WDR19: variants seen among roughly 807,000 people sequenced by gnomAD.
The protein encoded by WDR19 is WD repeat domain 19.
A neutral mutation model predicts 180.0 loss-of-function variants in WDR19; 121 were observed. That is an observed-to-expected ratio of 0.67 (90% CI 0.58 to 0.78). WDR19 has a LOEUF of 0.78. Among genes scored for constraint, WDR19 ranks in the 30% least tolerant of loss-of-function variants. The pLI is 0.00. For missense variants in WDR19, 1,450 were observed against 1,640.7 expected (o/e 0.88, Z 2.01); for synonymous variants, 497 against 540.7 (o/e 0.92, Z 1.12).
chr4:39,249,866 C>A (rs9683840), intron 24 of WDR19, among the ~76,000 whole-genome samples: 51,371 of 151,528 alleles, frequency 0.34, 8,826 homozygotes, highest in African/African-American at 0.39. Context: ...GCTTACCAAC[C>A]AAAAAAAGTC....
intron 20 of WDR19, 103 bp from the exon 21 acceptor site, chr4:39,240,172 GTC>G (rs1731769729): frequency 2.4e-6 from 1 of 424,110 alleles, no homozygotes. Context: ...GTGAGACCCT[GTC>G]TCTAAAAAAA....
chr4:39,204,775 C>T (rs947836893), intron 7 of WDR19, among the ~76,000 whole-genome samples: 1 of 152,138 alleles, frequency 6.6e-6, no homozygotes, highest in Non-Finnish European at 1.5e-5. Flanking sequence ...TCCCAAATGG[C>T]TCAAGAGCAG....
At chr4:39,254,144 GT>G in intron 26 of WDR19, 114 bp downstream of exon 26, 1 of 1,075,160 alleles carries the variant, frequency 9.3e-7, no homozygotes, top group Non-Finnish European at 1.3e-6. Flanking sequence ...TGGTGTAAAT[GT>G]TTACCATTTA....
In WDR19 at chr4:39,277,143, A is replaced by T; in HGVS notation, c.3840A>T (p.Thr1280=). 1 of 1,602,760 alleles carries T rather than the reference A, an allele frequency of 6.2e-7. No individual in the cohort carries two copies. Among genetic ancestry groups the T allele is most frequent in the Non-Finnish European group, 8.5e-7 (1 of 1,175,576 alleles). ...CKNSIPYCIA[T]GRHMLKDDWT... is the part of the protein sequence containing the mutation. ...ACAGTATCCCATATTGCATTGCAAC[A>T]GTGAGTTCCTTTATAGTAATTTCCC... Residue 1280 remains threonine (T), a splice_region_variant and synonymous_variant, in exon 34 of 37, where the codon ACA becomes ACT. Transcript: ENST00000399820.
chr4:39,251,433 T>C (rs1162936545), intron 24 of WDR19, among the ~76,000 whole-genome samples: 1 of 151,892 alleles, frequency 6.6e-6, no homozygotes, highest in Non-Finnish European at 1.5e-5. Context: ...GGCAATACCA[T>C]TCAGGACATA....
rs769652696 is a variant in WDR19, at chr4:39,278,692, T to TC, written c.*13+29_*13+30insC. The TC allele has an allele frequency of 4.8e-6, 7 of 1,452,142 alleles. No individual in the cohort carries two copies. In the South Asian group the frequency reaches 8.6e-5, roughly 18 times the overall value. 90.0% of individuals were successfully genotyped at this position (1,452,142 alleles called of 1,614,324 possible). ...AGTGGCAGAGCGCCCACGCACCTTC[T>TC]GGGCGCAAGGGCCCACAGCGTGCAC... On this transcript the variant is annotated intron_variant, in intron 36 of 36. Transcript: ENST00000399820.
intron 24 of WDR19, among the ~76,000 whole-genome samples, chr4:39,249,724 CAAAT>C (rs1732941499): frequency 6.6e-6 from 1 of 152,132 alleles, no homozygotes; most frequent in African/African-American, 2.4e-5. Context: ...CACCTTTACA[CAAAT>C]AAACTAGAAA....
chr4:39,264,987 G>A (rs768447518), intron 28 of WDR19, among the ~76,000 whole-genome samples: 43 of 150,274 alleles, frequency 2.9e-4, no homozygotes, highest in Middle Eastern at 3.4e-3. Context: ...ACGGGATGTC[G>A]GCTCACTGCA....
In WDR19 at chr4:39,216,206, A is replaced by G. The variant is rs2109327423; in HGVS notation, c.1245A>G (p.Glu415=). 3 of 1,561,132 alleles carry G rather than the reference A, an allele frequency of 1.9e-6. No homozygotes were observed. The highest frequency in any genetic ancestry group is 2.3e-5 in the East Asian group (1 of 42,698). The change falls in exon 12 of 37, where the codon GAA becomes GAG. Residue 415 remains glutamate (E), a synonymous_variant. Coordinates refer to ENST00000399820, the MANE Select transcript of WDR19 (RefSeq NM_025132.4). Reference sequence around the variant, plus strand: ...GAGCTTGGTTTTATGTCCTTGGAGAAAATGGCAAGTCTAAATCCAGTTGTT... The same window carrying G: ...GAGCTTGGTTTTATGTCCTTGGAGAGAATGGCAAGTCTAAATCCAGTTGTT... ...NNRAWFYVLG[E]NAVKKLKDME... is the part of the protein sequence containing the mutation.
At chr4:39,226,732 A>G (rs1730301645) in intron 15 of WDR19, among the ~76,000 whole-genome samples, 1 of 152,228 alleles carries the variant, frequency 6.6e-6, no homozygotes, top group South Asian at 2.1e-4. Context: ...AATTAGTACA[A>G]TATCTTGTAA....
At chr4:39,186,823 C>T (rs992912068) in intron 3 of WDR19, among the ~76,000 whole-genome samples, 7 of 152,116 alleles carry the variant, frequency 4.6e-5, no homozygotes, top group African/African-American at 7.2e-5. Context: ...AGAAGCCTTA[C>T]GGCAGGATTA....
chr4:39,281,068 A>G (rs921775949), intron 36 of WDR19, among the ~76,000 whole-genome samples: 1 of 152,008 alleles, frequency 6.6e-6, no homozygotes, highest in Non-Finnish European at 1.5e-5. Flanking sequence ...TGTCAGATAT[A>G]TTTTGCAAAT....
chr4:39,218,156 T>C (rs1729275947), intron 14 of WDR19, 51 bp downstream of exon 14: 1 of 1,564,350 alleles, frequency 6.4e-7, no homozygotes, highest in Admixed American at 1.9e-5. Context: ...TAATTTTTAT[T>C]TTGTGATCTC....
At chr4:39,252,498 T>TA (rs1465547171) in intron 24 of WDR19, among the ~76,000 whole-genome samples, 1 of 150,240 alleles carries the variant, frequency 6.7e-6, no homozygotes, top group Non-Finnish European at 1.5e-5. Flanking sequence ...CCCTAAAACT[T>TA]AAAGTATAAT....
At chr4:39,270,252 C>G (rs1035293200) in intron 31 of WDR19, among the ~76,000 whole-genome samples, 152 bp downstream of exon 31, 1 of 152,162 alleles carries the variant, frequency 6.6e-6, no homozygotes, top group Non-Finnish European at 1.5e-5. Flanking sequence ...ATCTACAATA[C>G]GCTGCTTTGT....
intron 3 of WDR19, among the ~76,000 whole-genome samples, chr4:39,188,585 C>T (rs1725807800): frequency 6.8e-6 from 1 of 147,694 alleles, no homozygotes; most frequent in African/African-American, 2.5e-5. Context: ...CACCACCGCA[C>T]TCCAGCCTGG....
chr4:39,189,609 T>C, intron 3 of WDR19, 47 bp from the exon 4 acceptor site: 1 of 1,478,146 alleles, frequency 6.8e-7, no homozygotes, highest in Non-Finnish European at 9.0e-7. Context: ...AATAGTAATT[T>C]TACTTTAAAA....
At chr4:39,196,960 G>A (rs1258463931) in intron 5 of WDR19, among the ~76,000 whole-genome samples, 3 of 152,152 alleles carry the variant, frequency 2.0e-5, no homozygotes, top group Admixed American at 2.0e-4. Flanking sequence ...GATTCTTTGA[G>A]GGTACGAAGA....
chr4:39,210,365 A>G (rs1728363710), intron 9 of WDR19, among the ~76,000 whole-genome samples: 1 of 152,356 alleles, frequency 6.6e-6, no homozygotes, highest in Non-Finnish European at 1.5e-5. Flanking sequence ...GAAAATATCA[A>G]ATGGTTCAAT....
Sources: allele counts gnomAD v4.1 joint callset (sites outside exome capture counted in the v4.1 genomes callset), GRCh38; gene constraint gnomAD v4.1.1; transcripts MANE v1.5; gene names NCBI Gene and HGNC (gene_info 2026-07-23, HGNC 2026-07-21).